FBXO11: variants seen among roughly 807,000 people sequenced by gnomAD.
FBXO11 encodes F-box protein 11, also known as F-box only protein 11.
Under a neutral mutation model 117.0 loss-of-function variants are expected in FBXO11, and 13 were observed. The ratio of observed to expected loss-of-function variants is 0.11; its 90% confidence interval spans 0.07 to 0.18. The LOEUF (loss-of-function observed/expected upper bound fraction) is 0.18. FBXO11 is among the 10% of genes least tolerant of loss of function. The probability of loss-of-function intolerance (pLI) is 1.00; values close to 1 mark genes in which losing one functional copy is unlikely to be tolerated. For missense variants in FBXO11, 767 were observed against 1,164.4 expected, an observed-to-expected ratio of 0.66 and a Z score of 4.97; for synonymous variants, 490 against 380.5, an observed-to-expected ratio of 1.29 and a Z score of -3.35.
At chr2:47,900,639 CGT>C in intron 1 of FBXO11, among the ~76,000 whole-genome samples, 1 of 82,090 alleles carries the variant, frequency 1.2e-5, no homozygotes, top group Middle Eastern at 6.6e-3. Context: ...CACACACGTA[CGT>C]ATATACACAC....
intron 1 of FBXO11, among the ~76,000 whole-genome samples, chr2:47,884,072 T>C (rs1344553411): frequency 6.6e-6 from 1 of 152,038 alleles, no homozygotes; most frequent in Admixed American, 6.6e-5. Flanking sequence ...ATAAAAAAGT[T>C]AGCCGGGCCT....
intron 1 of FBXO11, among the ~76,000 whole-genome samples, chr2:47,841,567 G>C (rs1468561186): frequency 6.6e-6 from 1 of 152,056 alleles, no homozygotes; most frequent in Non-Finnish European, 1.5e-5. Flanking sequence ...AAATAAACTG[G>C]ACAAAAACAG....
intron 1 of FBXO11, among the ~76,000 whole-genome samples, chr2:47,888,932 C>T (rs1426506329): frequency 6.6e-6 from 1 of 152,136 alleles, no homozygotes; most frequent in African/African-American, 2.4e-5. Flanking sequence ...TACTTAATCG[C>T]ACCCAGTTTT....
chr2:47,891,016 G>C (rs1251354593), intron 1 of FBXO11, among the ~76,000 whole-genome samples: 1 of 150,938 alleles, frequency 6.6e-6, no homozygotes, highest in Admixed American at 6.6e-5. Context: ...TAGAGATGGA[G>C]TCTCCCTATG....
At chr2:47,869,975 C>T (rs1675503713) in intron 1 of FBXO11, among the ~76,000 whole-genome samples, 1 of 152,142 alleles carries the variant, frequency 6.6e-6, no homozygotes, top group Non-Finnish European at 1.5e-5. Context: ...CCAAGCCTGG[C>T]CAAGATTAGA....
chr2:47,864,514 G>C (rs763301558), intron 1 of FBXO11, among the ~76,000 whole-genome samples: 45 of 152,204 alleles, frequency 3.0e-4, no homozygotes, highest in East Asian at 2.5e-3. Flanking sequence ...TTGAACCCGG[G>C]AGGCAGAGGT....
chr2:47,819,783 G>A (rs938384555), intron 14 of FBXO11, among the ~76,000 whole-genome samples: 4 of 152,042 alleles, frequency 2.6e-5, no homozygotes, highest in Non-Finnish European at 5.9e-5. Context: ...CTTTTAGCAG[G>A]TAACTGAGGA....
At chr2:47,860,814 GA>G (rs56054034) in intron 1 of FBXO11, among the ~76,000 whole-genome samples, 118,411 of 138,724 alleles carry the variant, frequency 0.85, 50,670 homozygotes, top group East Asian at 1. Context: ...TGGAAAATAG[GA>G]AAAAAAAAAA....
chr2:47,905,314 G>T (rs1678689182), intron 1 of FBXO11, 175 bp downstream of exon 1: 2 of 557,090 alleles, frequency 3.6e-6, no homozygotes, highest in African/African-American at 2.0e-5. Context: ...TTTCCTGCCG[G>T]CCGGGCCCGG....
chr2:47,820,145 T>C (rs985679487), intron 14 of FBXO11, among the ~76,000 whole-genome samples: 2 of 152,212 alleles, frequency 1.3e-5, no homozygotes, highest in Non-Finnish European at 2.9e-5. Flanking sequence ...AGTCAGCTGC[T>C]GAGTAAATTT....
At chr2:47,850,324 C>G (rs532142479) in intron 1 of FBXO11, among the ~76,000 whole-genome samples, 34 of 152,176 alleles carry the variant, frequency 2.2e-4, no homozygotes, top group African/African-American at 7.9e-4. Context: ...GTGAGACATT[C>G]AAGTGGAAAT....
chr2:47,905,855 G>T lies in FBXO11; in HGVS notation c.-135C>A. ...AGAGGGGGCGAGGGGAAGGGGAGAC[G>T]CTGAGGGCGGAGGGGGCGAGCGGGA... On this transcript the variant is annotated 5_prime_UTR_variant, in exon 1 of 23. Transcript: ENST00000403359. 1.4e-6 allele frequency: 1 copy of T among 718,588 alleles called. No homozygotes were observed. The highest frequency in any genetic ancestry group is 2.0e-6 in the Non-Finnish European group (1 of 492,728). 44.5% of individuals were successfully genotyped at this position (718,588 alleles called of 1,614,324 possible).
chr2:47,841,103 C>T (rs999998753), intron 1 of FBXO11, among the ~76,000 whole-genome samples: 5 of 151,774 alleles, frequency 3.3e-5, no homozygotes, highest in African/African-American at 1.2e-4. Flanking sequence ...GAGGCTGAGG[C>T]AGGAGAATGG....
intron 1 of FBXO11, among the ~76,000 whole-genome samples, chr2:47,889,005 C>T (rs529889092): frequency 3.3e-5 from 5 of 152,222 alleles, no homozygotes; most frequent in African/African-American, 1.2e-4. Context: ...TATGAACACA[C>T]CTTGGACTAG....
At position 47,816,361 on chromosome 2, in the gene FBXO11, T is replaced by C. The variant is rs530729751; in HGVS notation, c.2006+2418A>G. The stretch of plus-strand genomic sequence containing the variant: ...TGCCTAGCTAATTTTTTCTATTTTT[T>C]ACAGAGACAGGGTTTTGCTATGTTG... On this transcript the variant is annotated intron_variant, in intron 16 of 22. Coordinates refer to ENST00000403359, the MANE Select transcript of FBXO11 (RefSeq NM_001190274.2). 3.3e-5 allele frequency among the ~76,000 whole-genome samples: 5 copies of C among 152,180 alleles called. No homozygotes were observed. In the East Asian group the frequency reaches 9.7e-4, roughly 29 times the overall value.
At chr2:47,867,543 G>C (rs376360411) in intron 1 of FBXO11, among the ~76,000 whole-genome samples, 2 of 152,138 alleles carry the variant, frequency 1.3e-5, no homozygotes, top group Non-Finnish European at 2.9e-5. Context: ...AATGATTACT[G>C]TAAGTCCCAG....
chr2:47,816,814 G>C (rs1370024892), intron 16 of FBXO11, among the ~76,000 whole-genome samples: 2 of 152,118 alleles, frequency 1.3e-5, no homozygotes, highest in African/African-American at 4.8e-5. Context: ...TCAGTAAACT[G>C]TACTGTAAAT....
chr2:47,854,230 C>G (rs1401263267), intron 1 of FBXO11, among the ~76,000 whole-genome samples: 1 of 151,390 alleles, frequency 6.6e-6, no homozygotes, highest in Non-Finnish European at 1.5e-5. Context: ...CGGAGTCTCG[C>G]TCTGTCACCC....
intron 1 of FBXO11, among the ~76,000 whole-genome samples, chr2:47,848,965 T>C (rs1485539707): frequency 6.6e-6 from 1 of 152,174 alleles, no homozygotes; most frequent in Admixed American, 6.6e-5. Context: ...TGACAGAAGT[T>C]TTTTTCCCCA....
Sources: gnomAD v4.1 joint callset for allele counts (sites outside exome capture counted in the v4.1 genomes callset) on GRCh38, gnomAD v4.1.1 for gene constraint, MANE v1.5 for transcripts, NCBI Gene and HGNC (gene_info 2026-07-23, HGNC 2026-07-21) for gene names.